Variants in CTNNA3 observed in about 807,000 individuals in gnomAD.
The protein encoded by CTNNA3 is catenin alpha-3.
In CTNNA3, 76 loss-of-function variants were observed where a neutral mutation model predicts 95.7. The ratio of observed to expected loss-of-function variants is 0.79; its 90% CI spans 0.66 to 0.96. The LOEUF (loss-of-function observed/expected upper bound fraction) is 0.96, where lower values mean the gene tolerates loss of function less well. Among genes scored for constraint, CTNNA3 ranks in the 40% least tolerant of loss-of-function variants. The pLI is 0.00. For missense variants in CTNNA3, 1,191 were observed against 1,089.8 expected (o/e 1.09, Z -1.31); for synonymous variants, 431 against 374.4 (o/e 1.15, Z -1.74).
At position 67,089,431 on chromosome 10, in the gene CTNNA3, C is replaced by T. The variant is rs1176508153; in HGVS notation, c.1047+90886G>A. ...TAATTAAAATTAATGATCCAACAGC[C>T]TGTTGTACTCACACCAATTAACCAT... On this transcript the variant is annotated intron_variant, in intron 7 of 17. Transcript: ENST00000433211. Among the ~76,000 whole-genome samples, 5 of 152,086 alleles carry T rather than the reference C, an allele frequency of 3.3e-5. No homozygotes were observed. The East Asian group carries it at 9.7e-4, about 29-fold the overall frequency.
chr10:66,724,745 C>T (rs553089088), intron 9 of CTNNA3, among the ~76,000 whole-genome samples: 1 of 152,280 alleles, frequency 6.6e-6, no homozygotes, highest in African/African-American at 2.4e-5. Flanking sequence ...ATCGCTATCA[C>T]CTTTTGGCTA....
At chr10:67,196,006 C>T (rs944643592) in intron 6 of CTNNA3, among the ~76,000 whole-genome samples, 2 of 151,974 alleles carry the variant, frequency 1.3e-5, no homozygotes, top group Non-Finnish European at 2.9e-5. Context: ...AAAACACATG[C>T]TATGCTTCAC....
chr10:67,470,311 T>C (rs1027874021), intron 5 of CTNNA3, among the ~76,000 whole-genome samples: 1 of 152,204 alleles, frequency 6.6e-6, no homozygotes, highest in African/African-American at 2.4e-5. Context: ...AGTACTCCAT[T>C]GTGTATAAGT....
At chr10:65,981,307 C>T (rs1047868811) in intron 16 of CTNNA3, among the ~76,000 whole-genome samples, 2 of 151,956 alleles carry the variant, frequency 1.3e-5, no homozygotes, top group African/African-American at 2.4e-5. Context: ...TGAAAGACTT[C>T]TACAAGGAAA....
chr10:66,365,776 C>CTT (rs1554945985), intron 12 of CTNNA3, among the ~76,000 whole-genome samples: 24 of 150,860 alleles, frequency 1.6e-4, no homozygotes, highest in Non-Finnish European at 2.5e-4. Flanking sequence ...CTCTCTCTCT[C>CTT]TCTCTCATCT....
chr10:67,022,734 G>A (rs183253669), intron 7 of CTNNA3, among the ~76,000 whole-genome samples: 9 of 152,104 alleles, frequency 5.9e-5, no homozygotes, highest in Middle Eastern at 3.4e-3. Context: ...TCAGGAGATC[G>A]AGACCATCCT....
At chr10:67,528,443 T>C (rs2133176233) in intron 4 of CTNNA3, among the ~76,000 whole-genome samples, 1 of 152,268 alleles carries the variant, frequency 6.6e-6, no homozygotes, top group Non-Finnish European at 1.5e-5. Context: ...TCAACTCTTG[T>C]TCCTCTCACA....
chr10:66,636,049 G>A (rs1285296494), intron 9 of CTNNA3, among the ~76,000 whole-genome samples: 2 of 148,876 alleles, frequency 1.3e-5, no homozygotes, highest in South Asian at 2.1e-4. Flanking sequence ...GTGGAAGAGA[G>A]GCAAGCACAT....
At chr10:66,767,639 T>G (rs1839923316) in intron 8 of CTNNA3, among the ~76,000 whole-genome samples, 1 of 151,952 alleles carries the variant, frequency 6.6e-6, no homozygotes, top group Non-Finnish European at 1.5e-5. Flanking sequence ...TTTAGAGTAT[T>G]TTTTTAAAAG....
chr10:65,949,501 A>G (rs2077575606), intron 17 of CTNNA3, among the ~76,000 whole-genome samples: 1 of 152,186 alleles, frequency 6.6e-6, no homozygotes, highest in African/African-American at 2.4e-5. Context: ...TTGAGTAGGT[A>G]CCCACAAAGA....
intron 7 of CTNNA3, among the ~76,000 whole-genome samples, chr10:66,836,114 G>C (rs1333176530): frequency 6.6e-6 from 1 of 152,160 alleles, no homozygotes; most frequent in Non-Finnish European, 1.5e-5. Flanking sequence ...TGCCAATTCT[G>C]TAGCAAATAT....
At chr10:66,444,908 T>C (rs2093407065) in intron 11 of CTNNA3, among the ~76,000 whole-genome samples, 1 of 152,048 alleles carries the variant, frequency 6.6e-6, no homozygotes, top group African/African-American at 2.4e-5. Flanking sequence ...GACCCATCAG[T>C]GTGCTGTATT....
chr10:67,559,131 A>C (rs574269182), intron 3 of CTNNA3, among the ~76,000 whole-genome samples: 1 of 152,286 alleles, frequency 6.6e-6, no homozygotes, highest in South Asian at 2.1e-4. Context: ...CTTTGAAGAG[A>C]GCAGTGCTTC....
At chr10:66,858,216 A>G (rs879189622) in intron 7 of CTNNA3, among the ~76,000 whole-genome samples, 2 of 152,026 alleles carry the variant, frequency 1.3e-5, no homozygotes, top group African/African-American at 4.8e-5. Context: ...ATTGATTTGC[A>G]TATGTTGAAC....
At chr10:67,232,928 C>T (rs369684854) in intron 5 of CTNNA3, among the ~76,000 whole-genome samples, 48 of 151,778 alleles carry the variant, frequency 3.2e-4, no homozygotes, top group South Asian at 6.3e-4. Context: ...CATTACATAA[C>T]GGTAAAGGGA....
At chr10:67,587,695 T>C (rs1281344882) in intron 3 of CTNNA3, among the ~76,000 whole-genome samples, 1 of 152,158 alleles carries the variant, frequency 6.6e-6, no homozygotes, top group Non-Finnish European at 1.5e-5. Flanking sequence ...AAGTCCTTTT[T>C]GCATTGTATT....
At chr10:66,225,928 T>C (rs2089262851) in intron 13 of CTNNA3, among the ~76,000 whole-genome samples, 1 of 152,132 alleles carries the variant, frequency 6.6e-6, no homozygotes. Context: ...GTTATTTGGA[T>C]ATTTTGCTGT....
At chr10:67,166,356 C>T (rs1232177387) in intron 7 of CTNNA3, among the ~76,000 whole-genome samples, 1 of 152,092 alleles carries the variant, frequency 6.6e-6, no homozygotes, top group Non-Finnish European at 1.5e-5. Flanking sequence ...ACTTACCTAG[C>T]TTTCTTGGTT....
chr10:66,994,878 A>G (rs1851243477), intron 7 of CTNNA3, among the ~76,000 whole-genome samples: 1 of 152,152 alleles, frequency 6.6e-6, no homozygotes, highest in African/African-American at 2.4e-5. Flanking sequence ...TACAATATGA[A>G]ATGTAAAACT....
Sources: gnomAD v4.1 joint callset for allele counts (sites outside exome capture counted in the v4.1 genomes callset) on GRCh38, gnomAD v4.1.1 for gene constraint, MANE v1.5 for transcripts, NCBI Gene and HGNC (gene_info 2026-07-23, HGNC 2026-07-21) for gene names.